The following FAM83D variants were observed in gnomAD, a reference collection of about 807,000 sequenced individuals.
The protein encoded by FAM83D is scaffolding CK1 anchoring protein D.
Under a neutral mutation model 25.4 loss-of-function variants are expected in FAM83D, and 26 were observed. The ratio of observed to expected loss-of-function variants is 1.02; its 90% CI spans 0.75 to 1.42. The LOEUF is 1.42. Among genes scored for constraint, FAM83D ranks in the 40% most tolerant of loss-of-function variants. The probability of loss-of-function intolerance (pLI) is 0.00; values close to 1 mark genes in which losing one functional copy is unlikely to be tolerated. For synonymous variants in FAM83D, 310 were observed against 318.5 expected (o/e 0.97, Z 0.28); for missense variants, 740 against 758.1 (o/e 0.98, Z 0.28).
intron 3 of FAM83D, 141 bp from the exon 4 acceptor site, chr20:38,951,398 A>G: frequency 3.6e-6 from 3 of 834,280 alleles, no homozygotes; most frequent in Non-Finnish European, 3.7e-6. Context: ...AGTTAAATAC[A>G]TGCAAATGGT....
Position 38,952,186 on chromosome 20 carries a change from T to G in FAM83D, c.1424T>G (p.Leu475Trp). Reference protein sequence around the residue: ...SKMSVSRSSSLKSSSSVSSQG... With the variant: ...SKMSVSRSSSWKSSSSVSSQG... ...ATGTCTGTATCGAGATCTTCCAGTT[T>G]GAAGTCTTCCTCCTCTGTGTCTTCC... Residue 475 changes from leucine to tryptophan, a missense_variant, in exon 4 of 4, where the codon TTG (leucine) becomes TGG (tryptophan). Transcript: ENST00000619850. 2 of 1,614,210 alleles carry G rather than the reference T, an allele frequency of 1.2e-6. No homozygotes were observed. The highest frequency in any genetic ancestry group is 1.7e-6 in the Non-Finnish European group (2 of 1,180,036).
At chr20:38,947,036 CTA>C (rs981772248) in intron 2 of FAM83D, among the ~76,000 whole-genome samples, 11 of 152,084 alleles carry the variant, frequency 7.2e-5, no homozygotes, top group African/African-American at 2.7e-4. Context: ...TAGGGGCTCT[CTA>C]TGTTTATGGA....
At chr20:38,937,605 G>C (rs1311964633) in intron 1 of FAM83D, among the ~76,000 whole-genome samples, 1 of 152,160 alleles carries the variant, frequency 6.6e-6, no homozygotes, top group Non-Finnish European at 1.5e-5. Flanking sequence ...ATGGGGATGG[G>C]GATTTGAAGG....
At chr20:38,951,513 CTGTT>C (rs1401404744) in intron 3 of FAM83D, 22 bp from the exon 4 acceptor site, 22 of 1,592,846 alleles carry the variant, frequency 1.4e-5, no homozygotes, top group East Asian at 2.2e-5. Flanking sequence ...TTACCAGCTG[CTGTT>C]TGTTTCTTTT....
rs556912377 is a variant in FAM83D at position 38,933,042 on chromosome 20, A to G, written c.483+6117A>G. Among the ~76,000 whole-genome samples, 7 of 152,324 alleles carry G rather than the reference A, an allele frequency of 4.6e-5. No homozygotes were observed. In the South Asian group the frequency reaches 1.4e-3, roughly 32 times the overall value. On this transcript the variant is annotated intron_variant, in intron 1 of 3. Transcript: ENST00000619850. ...CTTGCACAACTTTCCTCTGCATTACAGTAGAGCCTGTGTGGTGTGATCAGT... is the reference window on the plus strand; with the variant it reads ...CTTGCACAACTTTCCTCTGCATTACGGTAGAGCCTGTGTGGTGTGATCAGT...
At position 38,952,563 on chromosome 20, in the gene FAM83D, G is replaced by A; in HGVS notation, c.*43G>A. On this transcript the variant is annotated 3_prime_UTR_variant, in exon 4 of 4. Transcript: ENST00000619850. Reference sequence around the variant, plus strand: ...TCCTGGTTTCTTCCAGGCTTACAGTGGACATCATCAGCTTCCTGCTTTAAA... The same window carrying A: ...TCCTGGTTTCTTCCAGGCTTACAGTAGACATCATCAGCTTCCTGCTTTAAA... The A allele has an allele frequency of 7.0e-6, 11 of 1,563,032 alleles. No homozygotes were observed. The highest frequency in any genetic ancestry group is 9.5e-6 in the Non-Finnish European group (11 of 1,154,464).
At chr20:38,949,922 C>T (rs1008695437) in intron 3 of FAM83D, among the ~76,000 whole-genome samples, 41 of 152,148 alleles carry the variant, frequency 2.7e-4, no homozygotes, top group Non-Finnish European at 5.4e-4. Flanking sequence ...GCGTTTACGT[C>T]ATTCTCCTGC....
intron 1 of FAM83D, among the ~76,000 whole-genome samples, chr20:38,932,540 TAATCTTG>T (rs1226490587): frequency 6.6e-6 from 1 of 152,254 alleles, no homozygotes; most frequent in Non-Finnish European, 1.5e-5. Context: ...AGTTTTTGGA[TAATCTTG>T]AATTATACAG....
chr20:38,936,192 C>T (rs16987685), intron 1 of FAM83D, among the ~76,000 whole-genome samples: 21,729 of 152,050 alleles, frequency 0.14, 1,662 homozygotes, highest in African/African-American at 0.19. Flanking sequence ...GTGATCGGTA[C>T]GAACTTCCTC....
intron 3 of FAM83D, among the ~76,000 whole-genome samples, 182 bp from the exon 4 acceptor site, chr20:38,951,357 C>A (rs1050449670): frequency 5.3e-5 from 8 of 152,170 alleles, no homozygotes; most frequent in Non-Finnish European, 2.9e-5. Context: ...TTTATGGTAA[C>A]ACACATAAAT....
Position 38,951,812 on chromosome 20 carries a change from G to A in FAM83D, c.1050G>A (p.Met350Ile), listed in dbSNP as rs776130144. The part of the protein sequence containing the change: ...TPRKADLDPE[M>I]PAEGKAERKP... ...GGAAGGCGGACCTGGACCCAGAGAT[G>A]CCCGCAGAGGGCAAGGCAGAGCGCA... The change falls in exon 4 of 4, where the codon ATG becomes ATA. Residue 350 changes from methionine to isoleucine, a missense_variant. By Grantham distance (10) the Met-to-Ile change is conservative. Transcript: ENST00000619850. 6.2e-7 allele frequency: 1 copy of A among 1,614,104 alleles called. No individual in the cohort carries two copies. Among genetic ancestry groups the A allele is most frequent in the Non-Finnish European group, 8.5e-7 (1 of 1,180,046 alleles).
rs187521874 is a variant in FAM83D, at chr20:38,951,266, G to A, written c.777-273G>A. On this transcript the variant is annotated intron_variant, in intron 3 of 3. Transcript: ENST00000619850. The stretch of plus-strand genomic sequence containing the variant: ...AGCCTGAGCAACATAGCAAGACCCC[G>A]TCTCAAAACAAACAAACAAACAAAA... 1.9e-3 allele frequency among the ~76,000 whole-genome samples: 295 copies of A among 151,998 alleles called. 1 individual carries two copies. Among genetic ancestry groups the A allele is most frequent in the African/African-American group, 2.8e-3 (115 of 41,540 alleles).
intron 2 of FAM83D, 56 bp from the exon 3 acceptor site, chr20:38,947,820 A>C (rs756692928): frequency 7.3e-5 from 116 of 1,592,754 alleles, no homozygotes; most frequent in Admixed American, 1.4e-4. Flanking sequence ...CCATTTGCTC[A>C]GCAGATGAGT....
chr20:38,937,879 G>C (rs1028275348), intron 1 of FAM83D, among the ~76,000 whole-genome samples: 5 of 152,104 alleles, frequency 3.3e-5, no homozygotes, highest in Non-Finnish European at 7.4e-5. Context: ...GATTGCTTGT[G>C]CTTCAGAGGC....
At chr20:38,941,303 TAAC>T (rs1484205734) in intron 1 of FAM83D, among the ~76,000 whole-genome samples, 1 of 152,136 alleles carries the variant, frequency 6.6e-6, no homozygotes, top group Non-Finnish European at 1.5e-5. Context: ...AACAGAATGT[TAAC>T]AAATATGGTA....
chr20:38,936,822 G>A (rs1319799460), intron 1 of FAM83D, among the ~76,000 whole-genome samples: 4 of 152,112 alleles, frequency 2.6e-5, no homozygotes, highest in Admixed American at 1.3e-4. Flanking sequence ...GTGCAAGAAG[G>A]CAAGCAGAAA....
At chr20:38,946,474 T>G (rs972521219) in intron 2 of FAM83D, among the ~76,000 whole-genome samples, 2 of 152,150 alleles carry the variant, frequency 1.3e-5, no homozygotes, top group African/African-American at 4.8e-5. Flanking sequence ...ACCTGGAAAT[T>G]GACATTGTAT....
At chr20:38,946,990 C>T (rs1601337093) in intron 2 of FAM83D, among the ~76,000 whole-genome samples, 1 of 152,166 alleles carries the variant, frequency 6.6e-6, no homozygotes, top group African/African-American at 2.4e-5. Flanking sequence ...AAGGAGCATG[C>T]CTTACATCTC....
At chr20:38,936,119 C>T (rs1444838459) in intron 1 of FAM83D, among the ~76,000 whole-genome samples, 1 of 152,094 alleles carries the variant, frequency 6.6e-6, no homozygotes, top group Non-Finnish European at 1.5e-5. Context: ...GCATGTTGCA[C>T]ACCTGACCTC....
Sources: gnomAD v4.1 joint callset for allele counts (sites outside exome capture counted in the v4.1 genomes callset) on GRCh38, gnomAD v4.1.1 for gene constraint, MANE v1.5 for transcripts, NCBI Gene and HGNC (gene_info 2026-07-23, HGNC 2026-07-21) for gene names.